Variants in ADGRL2 observed in about 807,000 individuals in gnomAD.
ADGRL2 encodes adhesion G protein-coupled receptor L2, also known as calcium-independent alpha-latrotoxin receptor 2.
A neutral mutation model predicts 157.4 loss-of-function variants in ADGRL2; 44 were observed. The observed-to-expected ratio is 0.28, with a 90% CI of 0.22 to 0.36. The LOEUF is 0.36. Among genes scored for constraint, ADGRL2 ranks in the 10% least tolerant of loss-of-function variants. The pLI is 1.00. For missense variants in ADGRL2, 1,510 were observed against 1,768.9 expected, an observed-to-expected ratio of 0.85 and a Z score of 2.63; for synonymous variants, 585 against 624.7, an observed-to-expected ratio of 0.94 and a Z score of 0.95.
At chr1:81,588,580 G>A (rs912548258) in intron 3 of ADGRL2, 2 of 152,116 alleles carry the variant, frequency 1.3e-5, no homozygotes, top group African/African-American at 4.8e-5. Flanking sequence ...ACTTCTGCAG[G>A]TCTAGATGGA....
chr1:81,631,321 A>G (rs2082006730), intron 3 of ADGRL2, among the ~76,000 whole-genome samples: 1 of 151,966 alleles, frequency 6.6e-6, no homozygotes, highest in Non-Finnish European at 1.5e-5. Flanking sequence ...TGTTCAGGCA[A>G]TTCTCCTGCC....
chr1:81,644,022 A>G (rs1416007261), intron 3 of ADGRL2, among the ~76,000 whole-genome samples: 3 of 152,218 alleles, frequency 2.0e-5, no homozygotes, highest in Admixed American at 6.5e-5. Flanking sequence ...TATTTGTGGA[A>G]GAAGAGACAA....
intron 2 of ADGRL2, among the ~76,000 whole-genome samples, chr1:81,458,347 A>C (rs181052487): frequency 5.9e-5 from 9 of 152,364 alleles, no homozygotes; most frequent in African/African-American, 1.9e-4. Context: ...TTCATCTTGC[A>C]TCACTGAAAC....
chr1:81,421,067 C>A (rs2077115767), intron 1 of ADGRL2, among the ~76,000 whole-genome samples: 1 of 152,176 alleles, frequency 6.6e-6, no homozygotes, highest in African/African-American at 2.4e-5. Context: ...AAATGATCAT[C>A]AGCAAATATT....
intron 2 of ADGRL2, among the ~76,000 whole-genome samples, chr1:81,484,065 A>C (rs1040522589): frequency 2.6e-5 from 4 of 152,014 alleles, no homozygotes; most frequent in Admixed American, 2.0e-4. Context: ...AGCTCCCATC[A>C]CCAGATGTAC....
At chr1:81,504,716 A>C (rs956832506) in intron 2 of ADGRL2, among the ~76,000 whole-genome samples, 2 of 152,090 alleles carry the variant, frequency 1.3e-5, no homozygotes, top group Non-Finnish European at 2.9e-5. Context: ...AAACCGTACC[A>C]GTTCTGAAGA....
intron 2 of ADGRL2, among the ~76,000 whole-genome samples, chr1:81,837,846 C>T (rs999855829): frequency 6.6e-6 from 1 of 151,738 alleles, no homozygotes; most frequent in Non-Finnish European, 1.5e-5. Flanking sequence ...TTAGAGCAGG[C>T]TAGAAGTTAA....
At chr1:81,330,966 A>G (rs574615395) in intron 1 of ADGRL2, among the ~76,000 whole-genome samples, 2 of 152,206 alleles carry the variant, frequency 1.3e-5, no homozygotes, top group Non-Finnish European at 2.9e-5. Context: ...TGATAAGTAC[A>G]TATGTGACTG....
chr1:81,683,397 C>T (rs1427706392), intron 3 of ADGRL2, among the ~76,000 whole-genome samples: 7 of 152,086 alleles, frequency 4.6e-5, no homozygotes, highest in African/African-American at 7.2e-5. Flanking sequence ...ATCCATCAAC[C>T]GAGCAGTATA....
chr1:81,770,152 G>A (rs1416116529), intron 2 of ADGRL2, among the ~76,000 whole-genome samples: 3 of 106,902 alleles, frequency 2.8e-5, no homozygotes, highest in Admixed American at 1.0e-4. Context: ...ACTGCACCCA[G>A]CTTTTTTTTT....
chr1:81,886,767 C>A (rs562443884), intron 2 of ADGRL2, among the ~76,000 whole-genome samples: 167 of 152,230 alleles, frequency 1.1e-3, no homozygotes, highest in Non-Finnish European at 5.0e-4. Context: ...TATTTGATTT[C>A]TATTTAAAAT....
intron 2 of ADGRL2, among the ~76,000 whole-genome samples, chr1:81,448,137 CTTTTTTTTTTT>C (rs1168945231): frequency 4.4e-4 from 37 of 83,536 alleles, no homozygotes; most frequent in African/African-American, 1.6e-3. Flanking sequence ...TTCTTTCTTT[CTTTTTTTTTTT>C]TTTTTTTTTT....
intron 3 of ADGRL2, among the ~76,000 whole-genome samples, chr1:81,653,890 A>G (rs1021317470): frequency 4.6e-5 from 7 of 152,120 alleles, no homozygotes; most frequent in African/African-American, 1.7e-4. Flanking sequence ...TGTAAAAAAA[A>G]TACAATCTGC....
intron 1 of ADGRL2, among the ~76,000 whole-genome samples, chr1:81,393,818 CT>C (rs35350823): frequency 0.7 from 88,240 of 126,528 alleles, 30,628 homozygotes; most frequent in East Asian, 0.82. Flanking sequence ...TATTGCCTTG[CT>C]TTTTTTTTTT....
intron 3 of ADGRL2, among the ~76,000 whole-genome samples, chr1:81,615,453 T>C (rs2081624857): frequency 6.6e-6 from 1 of 152,178 alleles, no homozygotes; most frequent in Admixed American, 6.5e-5. Context: ...GCTGTAACAC[T>C]CACCGCGAAG....
intron 2 of ADGRL2, among the ~76,000 whole-genome samples, chr1:81,500,215 T>A (rs1253338543): frequency 6.6e-6 from 1 of 152,150 alleles, no homozygotes; most frequent in African/African-American, 2.4e-5. Flanking sequence ...GGATGTAAAA[T>A]GGGAGCAGCT....
At chr1:81,725,313 G>A (rs2084484660) in intron 1 of ADGRL2, among the ~76,000 whole-genome samples, 1 of 151,754 alleles carries the variant, frequency 6.6e-6, no homozygotes, top group African/African-American at 2.4e-5. Context: ...GCCGAAGCGG[G>A]CAGATCACAA....
At chr1:81,479,940 A>G (rs896892229) in intron 2 of ADGRL2, among the ~76,000 whole-genome samples, 19 of 152,338 alleles carry the variant, frequency 1.2e-4, no homozygotes, top group Admixed American at 8.5e-4. Flanking sequence ...TTAAGTTGCA[A>G]CCGAAGTTTT....
At chr1:81,384,168 AT>A (rs1271884556) in intron 1 of ADGRL2, among the ~76,000 whole-genome samples, 1 of 152,262 alleles carries the variant, frequency 6.6e-6, no homozygotes, top group African/African-American at 2.4e-5. Context: ...AACCATCTAA[AT>A]ACCTGTCCAT....
Sources: allele counts gnomAD v4.1 joint callset (sites outside exome capture counted in the v4.1 genomes callset), GRCh38; gene constraint gnomAD v4.1.1; transcripts MANE v1.5; gene names NCBI Gene and HGNC (gene_info 2026-07-23, HGNC 2026-07-21).